Variants in PDE10A observed in about 807,000 individuals in gnomAD.
The protein encoded by PDE10A is cAMP and cAMP-inhibited cGMP 3',5'-cyclic phosphodiesterase 10A.
Under a neutral mutation model 97.7 loss-of-function variants are expected in PDE10A, and 39 were observed. The ratio of observed to expected loss-of-function variants is 0.40; its 90% CI spans 0.31 to 0.52. PDE10A has a LOEUF of 0.52. PDE10A is among the 20% of genes least tolerant of loss of function. The pLI is 0.56. For synonymous variants in PDE10A, 371 were observed against 376.8 expected (o/e 0.98, Z 0.18); for missense variants, 731 against 1,047.8 (o/e 0.70, Z 4.17).
At chr6:165,340,336 G>A (rs908315318) in intron 19 of PDE10A, among the ~76,000 whole-genome samples, 18 of 152,042 alleles carry the variant, frequency 1.2e-4, no homozygotes, top group African/African-American at 4.1e-4. Context: ...GAAATCAGAA[G>A]TACAGCCTAG....
intron 1 of PDE10A, among the ~76,000 whole-genome samples, chr6:165,858,221 T>C (rs995337563): frequency 6.6e-6 from 1 of 152,160 alleles, no homozygotes; most frequent in Non-Finnish European, 1.5e-5. Context: ...TAAACACACA[T>C]AAAAAGACTT....
At chr6:165,678,175 G>GTGTTTGTGTGTTTATA (rs1790864667) in intron 1 of PDE10A, among the ~76,000 whole-genome samples, 1 of 108,500 alleles carries the variant, frequency 9.2e-6, no homozygotes, top group Admixed American at 8.3e-5. Context: ...ATGTATGTGT[G>GTGTTTGTGTGTTTATA]TGTCCATGTG....
intron 12 of PDE10A, among the ~76,000 whole-genome samples, chr6:165,415,473 GATTT>G (rs1221670701): frequency 6.6e-6 from 1 of 152,054 alleles, no homozygotes; most frequent in Admixed American, 6.6e-5. Context: ...CATTTCTAGC[GATTT>G]ATTAAAATCA....
intron 18 of PDE10A, among the ~76,000 whole-genome samples, chr6:165,368,912 G>A (rs1301543889): frequency 2.0e-5 from 3 of 152,138 alleles, no homozygotes; most frequent in South Asian, 2.1e-4. Flanking sequence ...AGCAGCATTC[G>A]CGGTTCACGA....
intron 1 of PDE10A, among the ~76,000 whole-genome samples, chr6:165,888,859 G>C (rs553989988): frequency 3.3e-5 from 5 of 152,316 alleles, no homozygotes; most frequent in African/African-American, 9.6e-5. Flanking sequence ...TCAGTTTTCA[G>C]ACTTAGAAAA....
chr6:165,337,713 C>T (rs1781732895), intron 20 of PDE10A, among the ~76,000 whole-genome samples: 2 of 152,102 alleles, frequency 1.3e-5, no homozygotes, highest in Admixed American at 1.3e-4. Context: ...GAAAATCAAA[C>T]TATTCTAAAA....
At chr6:165,462,651 A>G (rs2128260708) in intron 3 of PDE10A, among the ~76,000 whole-genome samples, 1 of 152,310 alleles carries the variant, frequency 6.6e-6, no homozygotes, top group African/African-American at 2.4e-5. Context: ...CCCGTCAAAC[A>G]CAGCCACCCA....
intron 1 of PDE10A, among the ~76,000 whole-genome samples, chr6:165,967,267 C>T (rs1284842428): frequency 6.6e-6 from 1 of 152,204 alleles, no homozygotes; most frequent in Non-Finnish European, 1.5e-5. Context: ...GAGGCCGAGG[C>T]AGGCAGATCA....
chr6:165,710,890 T>C (rs1582974164), intron 1 of PDE10A, among the ~76,000 whole-genome samples: 1 of 152,246 alleles, frequency 6.6e-6, no homozygotes, highest in African/African-American at 2.4e-5. Flanking sequence ...TACCCATGTC[T>C]TTCCTAATCA....
chr6:165,914,295 G>A (rs996012544), intron 1 of PDE10A, among the ~76,000 whole-genome samples: 1 of 152,136 alleles, frequency 6.6e-6, no homozygotes, highest in Non-Finnish European at 1.5e-5. Context: ...TTTCCTCCTG[G>A]GTACACCCAC....
intron 1 of PDE10A, among the ~76,000 whole-genome samples, chr6:165,768,363 C>G (rs1440359968): frequency 6.6e-6 from 1 of 152,002 alleles, no homozygotes; most frequent in African/African-American, 2.4e-5. Context: ...AATCTGAGGT[C>G]CTGAAGATAT....
chr6:165,792,180 C>T (rs1290678774), intron 1 of PDE10A, among the ~76,000 whole-genome samples: 1 of 152,202 alleles, frequency 6.6e-6, no homozygotes, highest in Non-Finnish European at 1.5e-5. Flanking sequence ...CCCCACTTGC[C>T]CTCATCCACC....
chr6:165,347,266 T>C (rs1782376300), intron 18 of PDE10A, among the ~76,000 whole-genome samples: 2 of 152,176 alleles, frequency 1.3e-5, no homozygotes, highest in Non-Finnish European at 2.9e-5. Context: ...TTTCTGAAAG[T>C]ATTATTTGAA....
intron 1 of PDE10A, among the ~76,000 whole-genome samples, chr6:165,550,086 A>G (rs7761766): frequency 0.37 from 55,670 of 151,856 alleles, 11,670 homozygotes; most frequent in African/African-American, 0.57. Flanking sequence ...CTGAGTTCTG[A>G]CTCCTACAAT....
intron 1 of PDE10A, among the ~76,000 whole-genome samples, chr6:165,614,141 C>T (rs1787620885): frequency 1.3e-5 from 2 of 152,228 alleles, no homozygotes; most frequent in Non-Finnish European, 2.9e-5. Flanking sequence ...AAACACTTTG[C>T]TGGTTTAGTC....
chr6:165,979,776 A>G (rs888739813), intron 1 of PDE10A, among the ~76,000 whole-genome samples: 1 of 152,240 alleles, frequency 6.6e-6, no homozygotes, highest in African/African-American at 2.4e-5. Flanking sequence ...CTCGAAATAT[A>G]TAAAATGTGC....
At chr6:165,935,988 AAACT>A (rs1783312843) in intron 1 of PDE10A, among the ~76,000 whole-genome samples, 1 of 152,268 alleles carries the variant, frequency 6.6e-6, no homozygotes, top group African/African-American at 2.4e-5. Flanking sequence ...AGCACAAAAC[AAACT>A]AAGACAATTG....
chr6:165,860,688 G>A (rs897606759), intron 1 of PDE10A, among the ~76,000 whole-genome samples: 9 of 152,156 alleles, frequency 5.9e-5, no homozygotes, highest in African/African-American at 2.2e-4. Flanking sequence ...TTAGCAAGTA[G>A]GCGAATTTGC....
At chr6:165,634,448 G>A (rs1450879486) in intron 1 of PDE10A, among the ~76,000 whole-genome samples, 2 of 152,094 alleles carry the variant, frequency 1.3e-5, no homozygotes, top group Non-Finnish European at 2.9e-5. Flanking sequence ...AACACACTCA[G>A]GATTGTATTC....
Sources: gnomAD v4.1 joint callset for allele counts (sites outside exome capture counted in the v4.1 genomes callset) on GRCh38, gnomAD v4.1.1 for gene constraint, MANE v1.5 for transcripts, NCBI Gene and HGNC (gene_info 2026-07-23, HGNC 2026-07-21) for gene names.